The following ZCCHC8 variants were observed in gnomAD, a reference collection of about 807,000 sequenced individuals.
ZCCHC8 encodes zinc finger CCHC-type containing 8.
Under a neutral mutation model 70.6 loss-of-function variants are expected in ZCCHC8, and 27 were observed. The ratio of observed to expected loss-of-function variants is 0.38; its 90% CI spans 0.28 to 0.53. The LOEUF (loss-of-function observed/expected upper bound fraction) is 0.53. Ranked by LOEUF, ZCCHC8 falls within the 20% of genes least tolerant of loss-of-function variation. ZCCHC8 has a pLI of 0.81. For missense variants in ZCCHC8, 737 were observed against 876.9 expected (o/e 0.84, Z 2.01); for synonymous variants, 293 against 317.4 (o/e 0.92, Z 0.82).
rs565612846 is a variant in ZCCHC8, at chr12:122,481,537, G to C, written c.1003C>G (p.Leu335Val). The C allele has an allele frequency of 1.2e-6, 2 of 1,613,468 alleles. No homozygotes were observed. Among genetic ancestry groups the C allele is most frequent in the South Asian group, 1.1e-5 (1 of 91,034 alleles). The stretch of plus-strand genomic sequence containing the variant: ...GATACTATACCTTTTCCATCATAGA[G>C]TGCAAGCCCCGAATTCTCCAATTCA... ...EAELENSGLA[L>V]YDGKDGTDGE... The change falls in exon 10 of 14, where the codon CTC (leucine) becomes GTC (valine). Residue 335 changes from leucine to valine, a missense_variant. Physicochemically the swap from Leu to Val is conservative, Grantham distance 32. Coordinates refer to ENST00000633063, the MANE Select transcript of ZCCHC8 (RefSeq NM_017612.5).
In ZCCHC8 at chr12:122,500,783, CT is replaced by C; in HGVS notation, c.57del (p.Glu20ArgfsTer55). ...TGAACGGGCTTCGGAATCGACTCCT[CT>C]GGGTGGTCGAACGGCTCGAAGAGCT... ...DLELFEPFDH[P>X]EESIPKPVHT... On this transcript the variant is annotated frameshift_variant, in exon 1 of 14. Transcript: ENST00000633063. LOFTEE classifies it high-confidence loss of function. This position sits in a 1 kb window ranked among gnomAD's most constrained non-coding sequence, Gnocchi z 4.8. 6.3e-7 allele frequency: 1 copy of C among 1,590,444 alleles called. No individual in the cohort carries two copies. The highest frequency in any genetic ancestry group is 8.6e-7 in the Non-Finnish European group (1 of 1,168,828).
At chr12:122,496,881 T>C (rs2137372898) in intron 2 of ZCCHC8, among the ~76,000 whole-genome samples, 1 of 152,272 alleles carries the variant, frequency 6.6e-6, no homozygotes, top group East Asian at 1.9e-4. Context: ...GTGCGGTGGC[T>C]CCTGCCTGTA....
chr12:122,494,861 G>A (rs1022749644), intron 2 of ZCCHC8, among the ~76,000 whole-genome samples: 3 of 152,264 alleles, frequency 2.0e-5, no homozygotes, highest in African/African-American at 7.2e-5. Context: ...GGCCAACCAG[G>A]GATGTTTTTA....
intron 5 of ZCCHC8, among the ~76,000 whole-genome samples, chr12:122,487,242 C>G (rs532986762): frequency 6.6e-6 from 1 of 152,214 alleles, no homozygotes; most frequent in African/African-American, 2.4e-5. Context: ...TCGATGAGAG[C>G]TGGGACTTTG....
At chr12:122,494,628 G>A (rs1429863075) in intron 2 of ZCCHC8, among the ~76,000 whole-genome samples, 2 of 151,970 alleles carry the variant, frequency 1.3e-5, no homozygotes, top group East Asian at 1.9e-4. Context: ...GGCCGAGGCG[G>A]GTGGATCACA....
intron 1 of ZCCHC8, 26 bp from the exon 2 acceptor site, chr12:122,498,895 C>A: frequency 6.2e-7 from 1 of 1,603,580 alleles, no homozygotes; most frequent in South Asian, 1.1e-5. Flanking sequence ...GGAAGATAAG[C>A]CCTCATTTAA....
intron 13 of ZCCHC8, among the ~76,000 whole-genome samples, chr12:122,477,292 C>G (rs1957438175): frequency 6.7e-6 from 1 of 148,158 alleles, no homozygotes; most frequent in African/African-American, 2.5e-5. Flanking sequence ...GTAGCTGGGA[C>G]TACAGGCGCC....
chr12:122,482,097 G>A lies in ZCCHC8; in HGVS notation c.733-10C>T. 1 of 1,590,198 alleles carries A rather than the reference G, an allele frequency of 6.3e-7. No individual in the cohort carries two copies. Among genetic ancestry groups the A allele is most frequent in the South Asian group, 1.2e-5 (1 of 85,808 alleles). ...GAGCAGCATTCCGAGGCTACATCATGACACATTTGAAAAGAATGGTTTCAT... is the reference window on the plus strand; with the variant it reads ...GAGCAGCATTCCGAGGCTACATCATAACACATTTGAAAAGAATGGTTTCAT... On this transcript the variant is annotated splice_polypyrimidine_tract_variant and intron_variant, in intron 8 of 13. Transcript: ENST00000633063.
rs747163693 is a variant in ZCCHC8, at chr12:122,498,833, C to T, written c.236G>A (p.Arg79Gln). Residue 79 changes from arginine (R) to glutamine (Q), a missense_variant, in exon 2 of 14, where the codon CGA (arginine) becomes CAA (glutamine). Transcript: ENST00000633063. ...AATTTCAAAAATCTCATACCTCGGT[C>T]GAGTCAGAATGTTCAATTTTCGTTT... The part of the protein sequence containing the change: ...ELKRKLNILT[R>Q]PSGILVNDTK... 6.8e-6 allele frequency: 11 copies of T among 1,613,132 alleles called. No individual in the cohort carries two copies. The African/African-American group carries it at 1.3e-4, about 20-fold the overall frequency.
chr12:122,491,925 G>A (rs1957753600), intron 3 of ZCCHC8, among the ~76,000 whole-genome samples: 1 of 152,158 alleles, frequency 6.6e-6, no homozygotes, highest in African/African-American at 2.4e-5. Context: ...TTCTAACCTG[G>A]GCATGAGAGG....
intron 13 of ZCCHC8, 33 bp downstream of exon 13, chr12:122,477,808 A>T: frequency 1.2e-5 from 17 of 1,425,756 alleles, no homozygotes; most frequent in Non-Finnish European, 1.7e-5. Context: ...AAAAAAAAAA[A>T]GAGAGAAATC....
In ZCCHC8 at chr12:122,500,685, CCG is replaced by C; in HGVS notation, c.154_155del (p.Arg52AlafsTer19). On this transcript the variant is annotated frameshift_variant, in exon 1 of 14. Transcript: ENST00000633063. LOFTEE classifies it high-confidence loss of function. The surrounding 1 kb of genome is among the most constrained non-coding windows in gnomAD (Gnocchi z 4.8). ...NGVGDAELRE[R>X]LRQCEETIEQ... is the part of the protein sequence containing the mutation. The stretch of plus-strand genomic sequence containing the variant: ...CGATGGTCTCCTCGCACTGCCGAAG[CCG>C]CTCCCGTAGCTCCGCGTCGCCGACC... 1 of 1,582,968 alleles carries C rather than the reference CCG, an allele frequency of 6.3e-7. No homozygotes were observed. Among genetic ancestry groups the C allele is most frequent in the Middle Eastern group, 1.7e-4 (1 of 6,030 alleles).
Position 122,482,017 on chromosome 12 carries a change from T to C in ZCCHC8, c.803A>G (p.Gln268Arg). 1 of 1,613,440 alleles carries C rather than the reference T, an allele frequency of 6.2e-7. No homozygotes were observed. Reference protein sequence around the residue: ...YMDACGEANNQNFQQRYHAEE... With the variant: ...YMDACGEANNRNFQQRYHAEE... ...TGCGTGGTATCGCTGCTGGAAATTC[T>C]GATTGTTTGCTTCTCCACAGGCATC... The change falls in exon 9 of 14, where the codon CAG becomes CGG. Residue 268 changes from glutamine (Q) to arginine (R), a missense_variant. By Grantham distance (43) the Gln-to-Arg change is conservative. Coordinates refer to ENST00000633063, the MANE Select transcript of ZCCHC8 (RefSeq NM_017612.5).
At chr12:122,486,426 A>G (rs1026642617) in intron 5 of ZCCHC8, among the ~76,000 whole-genome samples, 1 of 151,308 alleles carries the variant, frequency 6.6e-6, no homozygotes, top group Non-Finnish European at 1.5e-5. Context: ...AAAAAAAAAA[A>G]AAAAAAAAAA....
At position 122,473,447 on chromosome 12, in the gene ZCCHC8, T is replaced by A; in HGVS notation, c.*50A>T. On this transcript the variant is annotated 3_prime_UTR_variant, in exon 14 of 14. Coordinates refer to ENST00000633063, the MANE Select transcript of ZCCHC8 (RefSeq NM_017612.5). Reference sequence around the variant, plus strand: ...TTCTATCTATCCACTTAATTAGTACTAATTAACGGAACAAAGTTATTAAAT... The same window carrying A: ...TTCTATCTATCCACTTAATTAGTACAAATTAACGGAACAAAGTTATTAAAT... 1 of 1,563,484 alleles carries A rather than the reference T, an allele frequency of 6.4e-7. No individual in the cohort carries two copies. The highest frequency in any genetic ancestry group is 8.7e-7 in the Non-Finnish European group (1 of 1,149,548).
chr12:122,500,685 C>A lies in ZCCHC8; in HGVS notation c.156G>T (p.Arg52=), dbSNP rs1350336167. 6.3e-6 allele frequency: 10 copies of A among 1,582,848 alleles called. No individual in the cohort carries two copies. Among genetic ancestry groups the A allele is most frequent in the Non-Finnish European group, 1.7e-6 (2 of 1,165,358 alleles). Residue 52 remains arginine, a synonymous_variant, in exon 1 of 14, where the codon CGG becomes CGT. Transcript: ENST00000633063. This position sits in a 1 kb window ranked among gnomAD's most constrained non-coding sequence, Gnocchi z 4.8. ...CGATGGTCTCCTCGCACTGCCGAAG[C>A]CGCTCCCGTAGCTCCGCGTCGCCGA... The part of the protein sequence containing the change: ...NGVGDAELRE[R]LRQCEETIEQ...
In ZCCHC8 at chr12:122,500,510, G is replaced by T. The variant is rs1473553; in HGVS notation, c.199+132C>A. Reference sequence around the variant, plus strand: ...TCGGTCCGCCGGCGGGTGACAGAAAGCACTTGGAATTCTGGCCCTCCTGGA... The same window carrying T: ...TCGGTCCGCCGGCGGGTGACAGAAATCACTTGGAATTCTGGCCCTCCTGGA... On this transcript the variant is annotated intron_variant, in intron 1 of 13. Transcript: ENST00000633063. The surrounding 1 kb of genome is among the most constrained non-coding windows in gnomAD (Gnocchi z 4.8). The T allele has an allele frequency of 0.76, 882,131 of 1,156,552 alleles. 338,233 individuals carry two copies. Among genetic ancestry groups the T allele is most frequent in the African/African-American group, 0.89 (56,861 of 63,982 alleles). 71.6% of individuals were successfully genotyped at this position (1,156,552 alleles called of 1,614,324 possible). A position where few individuals can be genotyped will look rare whatever the true frequency, so the allele number is the denominator to read the frequency against.
intron 5 of ZCCHC8, among the ~76,000 whole-genome samples, chr12:122,485,790 C>A (rs1025015586): frequency 6.6e-6 from 1 of 152,068 alleles, no homozygotes; most frequent in Non-Finnish European, 1.5e-5. Context: ...CCCGCCTCAG[C>A]CTCATGAGTA....
Position 122,489,413 on chromosome 12 carries a change from G to A in ZCCHC8, c.474C>T (p.Ala158=). 2 of 1,613,658 alleles carry A rather than the reference G, an allele frequency of 1.2e-6. No individual in the cohort carries two copies. Among genetic ancestry groups the A allele is most frequent in the Non-Finnish European group, 1.7e-6 (2 of 1,179,738 alleles). ...TGAAAGCTTCCTTGTTGTTTTTAATGGCACAGGACTCTTCCACTTTGTGGT... is the reference window on the plus strand; with the variant it reads ...TGAAAGCTTCCTTGTTGTTTTTAATAGCACAGGACTCTTCCACTTTGTGGT... ...EEDHKVEESC[A]IKNNKEAFSV... Residue 158 remains alanine (A), a synonymous_variant, in exon 5 of 14, where the codon GCC becomes GCT. Transcript: ENST00000633063.
Sources: allele counts gnomAD v4.1 joint callset (sites outside exome capture counted in the v4.1 genomes callset), GRCh38; gene constraint gnomAD v4.1.1; non-coding constraint Gnocchi (gnomAD v3.1); transcripts MANE v1.5; gene names NCBI Gene and HGNC (gene_info 2026-07-23, HGNC 2026-07-21).